TNNI3K: variants seen among roughly 807,000 people sequenced by gnomAD.
TNNI3K encodes TNNI3 interacting kinase, also known as serine/threonine-protein kinase TNNI3K.
TNNI3K carries 140 observed loss-of-function variants against 114.5 expected under a neutral mutation model. The observed-to-expected ratio is 1.22, with a 90% confidence interval of 1.07 to 1.41. The LOEUF (loss-of-function observed/expected upper bound fraction) is 1.41. Ranked by LOEUF, TNNI3K falls within the 40% of genes most tolerant of loss-of-function variation. TNNI3K has a pLI of 0.00. For missense variants in TNNI3K, 1,125 were observed against 1,007.6 expected (o/e 1.12, Z -1.58); for synonymous variants, 347 against 347.5 (o/e 1.00, Z 0.02).
chr1:74,444,635 T>C (rs76623173), intron 20 of TNNI3K, among the ~76,000 whole-genome samples: 2,495 of 152,178 alleles, frequency 0.016, 67 homozygotes, highest in African/African-American at 0.056. Flanking sequence ...CCAATGCTAT[T>C]ACCATTAAGT....
Position 74,489,316 on chromosome 1 carries a change from T to C in TNNI3K, c.2181+68T>C, listed in dbSNP as rs578048159. The C allele has an allele frequency of 6.1e-5, 92 of 1,518,450 alleles. No individual in the cohort carries two copies. In the African/African-American group the frequency reaches 1.1e-3, roughly 18 times the overall value. The allele number at this position is 1,518,450 out of a possible 1,614,324, so 94.1% of individuals were successfully genotyped here. On this transcript the variant is annotated intron_variant, in intron 22 of 24. Coordinates refer to ENST00000326637, the MANE Select transcript of TNNI3K (RefSeq NM_015978.3). The stretch of plus-strand genomic sequence containing the variant: ...GCATATCCAAGGCTGTCAGGGAATG[T>C]AGATGAGCTGGTGCTTATGAAAAGT...
intron 17 of TNNI3K, among the ~76,000 whole-genome samples, chr1:74,427,165 C>A (rs1665678410): frequency 6.6e-6 from 1 of 151,782 alleles, no homozygotes; most frequent in Non-Finnish European, 1.5e-5. Context: ...ATGTAAATGT[C>A]CAGTGCATTT....
chr1:74,518,876 T>C (rs1387987456), intron 23 of TNNI3K, among the ~76,000 whole-genome samples: 9 of 20,980 alleles, frequency 4.3e-4, no homozygotes, highest in African/African-American at 1.5e-3. Flanking sequence ...TTTTTCCCCT[T>C]TTTTTTTTTT....
chr1:74,268,563 G>A (rs916013306), intron 4 of TNNI3K, among the ~76,000 whole-genome samples: 1 of 128,368 alleles, frequency 7.8e-6, no homozygotes, highest in Non-Finnish European at 1.6e-5. Flanking sequence ...AGAAAGAGAA[G>A]CTAAGTGATT....
At chr1:74,456,073 A>G (rs1667211792) in intron 20 of TNNI3K, among the ~76,000 whole-genome samples, 1 of 152,238 alleles carries the variant, frequency 6.6e-6, no homozygotes, top group Admixed American at 6.5e-5. Context: ...GTAACAAAGC[A>G]AAGGCTGGAC....
chr1:74,481,680 A>G (rs1466667251), intron 21 of TNNI3K, among the ~76,000 whole-genome samples: 2 of 152,206 alleles, frequency 1.3e-5, no homozygotes, highest in Non-Finnish European at 2.9e-5. Context: ...CAACTGTTAA[A>G]TCCCTTCACC....
chr1:74,346,567 A>G (rs908786769), intron 9 of TNNI3K, among the ~76,000 whole-genome samples: 5 of 151,332 alleles, frequency 3.3e-5, no homozygotes, highest in Non-Finnish European at 5.9e-5. Flanking sequence ...ATATATCCAC[A>G]TTTTAATTTA....
intron 20 of TNNI3K, among the ~76,000 whole-genome samples, chr1:74,450,648 G>A (rs1666949691): frequency 1.3e-5 from 2 of 152,054 alleles, no homozygotes; most frequent in South Asian, 2.1e-4. Flanking sequence ...ACAAAAAAAC[G>A]CCCAACATCA....
chr1:74,314,395 CAAAT>C (rs1659181227), intron 5 of TNNI3K, among the ~76,000 whole-genome samples: 1 of 151,944 alleles, frequency 6.6e-6, no homozygotes, highest in Non-Finnish European at 1.5e-5. Context: ...ATATTTACAA[CAAAT>C]AAAGTCGCTT....
intron 21 of TNNI3K, chr1:74,483,509 C>A: frequency 1.9e-6 from 1 of 515,088 alleles, no homozygotes; most frequent in South Asian, 3.0e-5. Context: ...CTTAAGATGC[C>A]AGGTAAATAA....
rs1455425540 is a variant in TNNI3K, at chr1:74,367,266, C to A, written c.1188C>A (p.Ala396=). 4 of 1,611,804 alleles carry A rather than the reference C, an allele frequency of 2.5e-6. No individual in the cohort carries two copies. The highest frequency in any genetic ancestry group is 3.4e-6 in the Non-Finnish European group (4 of 1,178,612). ...LMWAYEKGHD[A]IVTLLKHYKR... ...TATCTTTTCATAAAGGGCATGATGCCATTGTCACACTCCTGAAGCATTATA... is the reference window on the plus strand; with the variant it reads ...TATCTTTTCATAAAGGGCATGATGCAATTGTCACACTCCTGAAGCATTATA... The change falls in exon 12 of 25, where the codon GCC becomes GCA. Residue 396 remains alanine, a synonymous_variant. Coordinates refer to ENST00000326637, the MANE Select transcript of TNNI3K (RefSeq NM_015978.3).
chr1:74,437,504 C>T (rs776327235), intron 19 of TNNI3K, among the ~76,000 whole-genome samples: 6 of 151,604 alleles, frequency 4.0e-5, no homozygotes, highest in Admixed American at 6.6e-5. Context: ...TGAAGGAAAA[C>T]GTTAACATTT....
At chr1:74,472,677 T>C (rs1667997048) in intron 21 of TNNI3K, among the ~76,000 whole-genome samples, 2 of 152,216 alleles carry the variant, frequency 1.3e-5, no homozygotes, top group South Asian at 4.1e-4. Context: ...ATACTTGCAA[T>C]ACTATTGACT....
Position 74,508,066 on chromosome 1 carries a change from T to C in TNNI3K, c.2351+15800T>C, listed in dbSNP as rs113450827. 8.9e-3 allele frequency among the ~76,000 whole-genome samples: 1,353 copies of C among 152,336 alleles called. 20 individuals carry two copies. Among genetic ancestry groups the C allele is most frequent in the African/African-American group, 0.03 (1,258 of 41,584 alleles). ...GTATACAATGACGGGCACACGACTC[T>C]AGTGTATTCTAACACAGACGGAGGC... On this transcript the variant is annotated intron_variant, in intron 23 of 24. Coordinates refer to ENST00000326637, the MANE Select transcript of TNNI3K (RefSeq NM_015978.3).
chr1:74,329,851 A>G (rs1367285689), intron 5 of TNNI3K, among the ~76,000 whole-genome samples: 2 of 152,188 alleles, frequency 1.3e-5, no homozygotes, highest in Non-Finnish European at 2.9e-5. Flanking sequence ...TCTATGATTC[A>G]CACAATTGAC....
At chr1:74,447,549 A>C (rs1258049305) in intron 20 of TNNI3K, among the ~76,000 whole-genome samples, 3 of 114,954 alleles carry the variant, frequency 2.6e-5, no homozygotes, top group Non-Finnish European at 5.1e-5. Context: ...GCAAATCAAA[A>C]CCACTATGAG....
intron 17 of TNNI3K, among the ~76,000 whole-genome samples, chr1:74,402,348 T>G (rs1244955505): frequency 1.3e-5 from 2 of 152,154 alleles, no homozygotes; most frequent in Non-Finnish European, 2.9e-5. Flanking sequence ...AAGCAAGGAA[T>G]AGTAAGATAT....
At chr1:74,514,251 A>G (rs1033312073) in intron 23 of TNNI3K, among the ~76,000 whole-genome samples, 1 of 152,224 alleles carries the variant, frequency 6.6e-6, no homozygotes, top group African/African-American at 2.4e-5. Flanking sequence ...CCAAAATGCT[A>G]GGAGCAATTG....
At chr1:74,465,955 T>C (rs552079073) in intron 21 of TNNI3K, among the ~76,000 whole-genome samples, 5 of 152,150 alleles carry the variant, frequency 3.3e-5, no homozygotes, top group Non-Finnish European at 5.9e-5. Context: ...CTGGTCATCT[T>C]CTGTATTGTG....
Sources: allele counts gnomAD v4.1 joint callset (sites outside exome capture counted in the v4.1 genomes callset), GRCh38; gene constraint gnomAD v4.1.1; transcripts MANE v1.5; gene names NCBI Gene and HGNC (gene_info 2026-07-23, HGNC 2026-07-21).